PCDHA1: variants seen among roughly 807,000 people sequenced by gnomAD.
PCDHA1 encodes protocadherin alpha-1.
Under a neutral mutation model 61.3 loss-of-function variants are expected in PCDHA1, and 42 were observed. The observed-to-expected ratio is 0.69, with a 90% CI of 0.54 to 0.89. PCDHA1 has a LOEUF of 0.89. PCDHA1 is among the 40% of genes least tolerant of loss of function. The probability of loss-of-function intolerance (pLI) is 0.00; values close to 1 mark genes in which losing one functional copy is unlikely to be tolerated. For synonymous variants in PCDHA1, 610 were observed against 553.8 expected, an observed-to-expected ratio of 1.10 and a Z score of -1.43; for missense variants, 1,256 against 1,235.3, an observed-to-expected ratio of 1.02 and a Z score of -0.25.
At chr5:140,957,726 A>T (rs1297510940) in intron 1 of PCDHA1, among the ~76,000 whole-genome samples, 4 of 152,164 alleles carry the variant, frequency 2.6e-5, no homozygotes, top group Non-Finnish European at 5.9e-5. Flanking sequence ...AAGAAGCAGA[A>T]TTATATATAC....
In PCDHA1 at chr5:140,787,605, G is replaced by A. The variant is rs267600382; in HGVS notation, c.1315G>A (p.Ala439Thr). The change falls in exon 1 of 4, where the codon GCC (alanine) becomes ACC (threonine). Residue 439 changes from alanine (A) to threonine (T), a missense_variant. Ala to Thr is a moderately conservative substitution (Grantham distance 58). Transcript: ENST00000504120. Reference sequence around the variant, plus strand: ...GGGCTCGCCTTCGCTGTGGGCCACGGCCAGGGTGTCCGTGGAGGTGGCCGA... The same window carrying A: ...GGGCTCGCCTTCGCTGTGGGCCACGACCAGGGTGTCCGTGGAGGTGGCCGA... ...DGGSPSLWAT[A>T]RVSVEVADVN... 2 of 1,614,120 alleles carry A rather than the reference G, an allele frequency of 1.2e-6. No individual in the cohort carries two copies. Among genetic ancestry groups the A allele is most frequent in the Non-Finnish European group, 1.7e-6 (2 of 1,180,022 alleles).
In PCDHA1 at chr5:141,009,951, A is replaced by G. The variant is rs2303646; in HGVS notation, c.*14A>G. On this transcript the variant is annotated 3_prime_UTR_variant, in exon 4 of 4. Coordinates refer to ENST00000504120, the MANE Select transcript of PCDHA1 (RefSeq NM_018900.4). ...AGTGACCAGTGAGGTCCTCAAATGGAAACAAGCCACTTAGCCAGTTTTTGT... is the reference window on the plus strand; with the variant it reads ...AGTGACCAGTGAGGTCCTCAAATGGGAACAAGCCACTTAGCCAGTTTTTGT... 5,767 of 1,593,458 alleles carry G rather than the reference A, an allele frequency of 3.6e-3. 231 individuals are homozygous for G. In the East Asian group the frequency reaches 0.095, roughly 26 times the overall value.
chr5:140,979,585 G>T (rs1486792990), intron 2 of PCDHA1, among the ~76,000 whole-genome samples: 1 of 152,156 alleles, frequency 6.6e-6, no homozygotes, highest in Non-Finnish European at 1.5e-5. Context: ...TCCAAATCTA[G>T]CTTACTTTAA....
At chr5:140,869,609 C>T (rs1554163287) in intron 1 of PCDHA1, 1 of 1,613,972 alleles carries the variant, frequency 6.2e-7, no homozygotes, top group Non-Finnish European at 8.5e-7. Flanking sequence ...GCTCTATTGA[C>T]CTACAGGCTA....
At chr5:140,970,152 A>G (rs899776182) in intron 1 of PCDHA1, among the ~76,000 whole-genome samples, 22 of 152,224 alleles carry the variant, frequency 1.4e-4, no homozygotes, top group Non-Finnish European at 2.5e-4. Flanking sequence ...AATTCTCCCA[A>G]TAGTCACCTT....
chr5:140,921,705 G>C (rs2080339656), intron 1 of PCDHA1, among the ~76,000 whole-genome samples: 1 of 152,042 alleles, frequency 6.6e-6, no homozygotes, highest in Non-Finnish European at 1.5e-5. Context: ...ATTTTAAACA[G>C]TAAACACACG....
chr5:140,788,830 A>C (rs1761498109), intron 1 of PCDHA1, 146 bp downstream of exon 1: 11 of 1,402,640 alleles, frequency 7.8e-6, no homozygotes, highest in African/African-American at 1.4e-5. Flanking sequence ...ATATCCTATT[A>C]ATGGCAGTTT....
At chr5:140,999,605 G>T (rs1587843541) in intron 3 of PCDHA1, among the ~76,000 whole-genome samples, 2 of 152,132 alleles carry the variant, frequency 1.3e-5, no homozygotes, top group Admixed American at 1.3e-4. Context: ...CATCCTGGGG[G>T]ACCTTATCAA....
intron 3 of PCDHA1, among the ~76,000 whole-genome samples, chr5:140,998,586 CAG>C (rs1340236276): frequency 1.4e-5 from 2 of 147,292 alleles, no homozygotes; most frequent in African/African-American, 5.1e-5. Context: ...TTTTTTGAGA[CAG>C]AGTTTTGCTC....
At chr5:140,902,514 T>C (rs1288692863) in intron 1 of PCDHA1, among the ~76,000 whole-genome samples, 1 of 152,128 alleles carries the variant, frequency 6.6e-6, no homozygotes, top group Non-Finnish European at 1.5e-5. Flanking sequence ...CTGTCATATA[T>C]GGTTTTTATT....
At chr5:140,854,247 T>C (rs782783926) in intron 1 of PCDHA1, 12 of 635,110 alleles carry the variant, frequency 1.9e-5, no homozygotes, top group Non-Finnish European at 2.4e-5. Context: ...TGTTATCACT[T>C]GGTATAAAAT....
At chr5:140,876,697 C>T in intron 1 of PCDHA1, 2 of 1,614,226 alleles carry the variant, frequency 1.2e-6, no homozygotes, top group Middle Eastern at 1.6e-4. Context: ...CTCGTTGGTG[C>T]TGGACAGCGC....
At chr5:140,826,837 T>C (rs1581838088) in intron 1 of PCDHA1, among the ~76,000 whole-genome samples, 1 of 152,182 alleles carries the variant, frequency 6.6e-6, no homozygotes, top group East Asian at 1.9e-4. Context: ...TAGAAGTTTC[T>C]CAAGTGTCTT....
intron 1 of PCDHA1, chr5:140,882,078 C>T: frequency 1.1e-6 from 1 of 937,486 alleles, no homozygotes; most frequent in Non-Finnish European, 1.6e-6. Flanking sequence ...CGCATGGTGT[C>T]GCTCTTCACT....
intron 1 of PCDHA1, chr5:140,875,973 T>C (rs782725100): frequency 6.2e-7 from 1 of 1,614,042 alleles, no homozygotes; most frequent in Non-Finnish European, 8.5e-7. Context: ...TAAACTCTCT[T>C]TTGACCTATG....
rs2150351918 is a variant in PCDHA1, at chr5:140,843,075, TG to T, written c.2394+54394del. ...GCGAGCAAGCTGGTGCCGCGGTCTG[TG>T]GGCGCGGGCCACGTGGTAGCGAAGG... On this transcript the variant is annotated intron_variant, in intron 1 of 3. Coordinates refer to ENST00000504120, the MANE Select transcript of PCDHA1 (RefSeq NM_018900.4). 2.6e-5 allele frequency: 42 copies of T among 1,595,158 alleles called. 6 individuals carry two copies. Among genetic ancestry groups the T allele is most frequent in the Non-Finnish European group, 1.6e-5 (19 of 1,165,272 alleles).
At chr5:140,853,743 T>C (rs1258118631) in intron 1 of PCDHA1, 2 of 988,454 alleles carry the variant, frequency 2.0e-6, no homozygotes, top group African/African-American at 1.8e-5. Context: ...AATGTTCTGG[T>C]TCAAGGCTCC....
rs2150478834 is a variant in PCDHA1 at position 140,850,308 on chromosome 5, G to A, written c.2394+61624G>A. 1.9e-6 allele frequency: 3 copies of A among 1,597,160 alleles called. No individual in the cohort carries two copies. In the South Asian group the frequency reaches 3.3e-5, roughly 18 times the overall value. ...AGTGGACGCCGACTCGGGCTACAAC[G>A]CGTGGCTTTCATACGAGCTGCAGCC... On this transcript the variant is annotated intron_variant, in intron 1 of 3. Coordinates refer to ENST00000504120, the MANE Select transcript of PCDHA1 (RefSeq NM_018900.4).
intron 1 of PCDHA1, among the ~76,000 whole-genome samples, chr5:140,895,744 G>T (rs534394379): frequency 6.6e-6 from 1 of 152,182 alleles, no homozygotes; most frequent in Admixed American, 6.5e-5. Flanking sequence ...GCTGCAAAGG[G>T]CATGATCTTT....
Sources: gnomAD v4.1 joint callset for allele counts (sites outside exome capture counted in the v4.1 genomes callset) on GRCh38, gnomAD v4.1.1 for gene constraint, MANE v1.5 for transcripts, NCBI Gene and HGNC (gene_info 2026-07-23, HGNC 2026-07-21) for gene names.